Variants in NCAN observed in about 807,000 individuals in gnomAD.
NCAN encodes the protein neurocan core protein.
Under a neutral mutation model 121.8 loss-of-function variants are expected in NCAN, and 47 were observed. The observed-to-expected ratio is 0.39, with a 90% CI of 0.31 to 0.49. The LOEUF (loss-of-function observed/expected upper bound fraction) is 0.49. Ranked by LOEUF, NCAN falls within the 20% of genes least tolerant of loss-of-function variation. NCAN has a pLI of 0.92. For missense variants in NCAN, 1,517 were observed against 1,773.4 expected (o/e 0.86, Z 2.60); for synonymous variants, 633 against 702.0 (o/e 0.90, Z 1.55).
At position 19,225,076 on chromosome 19, in the gene NCAN, T is replaced by C; in HGVS notation, c.878T>C (p.Leu293Pro). 1 of 1,527,536 alleles carries C rather than the reference T, an allele frequency of 6.5e-7. No individual in the cohort carries two copies. The highest frequency in any genetic ancestry group is 1.2e-5 in the South Asian group (1 of 83,552). 94.6% of individuals were successfully genotyped at this position (1,527,536 alleles called of 1,614,324 possible). ...QGAALASVGQLHLAWHEGLDQ... is the reference protein window; with the variant it reads ...QGAALASVGQPHLAWHEGLDQ... ...GCCGCGCTGGCCTCGGTGGGACAGC[T>C]GCACCTGGCCTGGCATGAGGGCCTG... The change falls in exon 6 of 15, where the codon CTG becomes CCG. Residue 293 changes from leucine to proline, a missense_variant. Transcript: ENST00000252575. This position sits in a 1 kb window ranked among gnomAD's most constrained non-coding sequence, Gnocchi z 4.0.
rs369826619 is a variant in NCAN, at chr19:19,226,913, G to T, written c.1500G>T (p.Leu500=). ...AGCAGCAGGAACCGGAGCCGGGGCTGCAAGGGGGGATGGAGGCCAGCGCCC... is the reference window on the plus strand; with the variant it reads ...AGCAGCAGGAACCGGAGCCGGGGCTTCAAGGGGGGATGGAGGCCAGCGCCC... ...YFQQQEPEPG[L]QGGMEASAQP... is the part of the protein sequence containing the mutation. Residue 500 remains leucine, a synonymous_variant, in exon 7 of 15, where the codon CTG becomes CTT. Transcript: ENST00000252575. The T allele has an allele frequency of 1.9e-5, 30 of 1,602,968 alleles. No individual in the cohort carries two copies. The African/African-American group carries it at 2.9e-4, about 16-fold the overall frequency.
Position 19,226,582 on chromosome 19 carries a change from T to C in NCAN, c.1169T>C (p.Leu390Pro), listed in dbSNP as rs756020805. Residue 390 changes from leucine to proline, a missense_variant, in exon 7 of 15, where the codon CTG becomes CCG. Transcript: ENST00000252575. ...LSAEGPPVRE[L>P]EPTLEEEEVV... The stretch of plus-strand genomic sequence containing the variant: ...GCAGAGGGGCCCCCAGTTAGAGAAC[T>C]GGAGCCCACCCTGGAGGAGGAAGAG... The C allele has an allele frequency of 5.6e-6, 9 of 1,613,826 alleles. No individual in the cohort carries two copies. The highest frequency in any genetic ancestry group is 1.7e-4 in the Middle Eastern group (1 of 6,060).
In NCAN at chr19:19,226,529, C is replaced by T. The variant is rs142210617; in HGVS notation, c.1116C>T (p.Ser372=). The T allele has an allele frequency of 2.1e-4, 342 of 1,610,682 alleles. No homozygotes were observed. The highest frequency in any genetic ancestry group is 2.7e-4 in the Non-Finnish European group (316 of 1,177,364). The change falls in exon 7 of 15, where the codon TCC becomes TCT. Residue 372 remains serine (S), a synonymous_variant. Coordinates refer to ENST00000252575, the MANE Select transcript of NCAN (RefSeq NM_004386.3). Reference sequence around the variant, plus strand: ...AACATGGAGACCTAGAGACCCCATCCTCTGGGGATGAGGGGGAGATTCTGT... The same window carrying T: ...AACATGGAGACCTAGAGACCCCATCTTCTGGGGATGAGGGGGAGATTCTGT... The part of the protein sequence containing the change: ...TSQHGDLETP[S]SGDEGEILSA...
At chr19:19,221,816 G>C (rs946673643) in intron 3 of NCAN, among the ~76,000 whole-genome samples, 3 of 151,996 alleles carry the variant, frequency 2.0e-5, no homozygotes, top group Admixed American at 1.3e-4. Context: ...CTTAAGTCTG[G>C]AAGGTTGGAA....
intron 12 of NCAN, among the ~76,000 whole-genome samples, chr19:19,242,984 A>C (rs2060909430): frequency 6.6e-6 from 1 of 152,086 alleles, no homozygotes; most frequent in African/African-American, 2.4e-5. Context: ...AAAATTCAAA[A>C]ATTGAGACAG....
chr19:19,249,857 A>G lies in NCAN; in HGVS notation c.3912A>G (p.Lys1304=), dbSNP rs758184831. Reference sequence around the variant, plus strand: ...ACAAATCCCGCAAGGAGCGCAGAAAACACAAGAAACACCCAACGGAGGACT... The same window carrying G: ...ACAAATCCCGCAAGGAGCGCAGAAAGCACAAGAAACACCCAACGGAGGACT... ...HHHKSRKERR[K]HKKHPTEDWE... is the part of the protein sequence containing the mutation. Residue 1304 remains lysine, a synonymous_variant, in exon 15 of 15, where the codon AAA becomes AAG. Transcript: ENST00000252575. 5.6e-6 allele frequency: 9 copies of G among 1,613,964 alleles called. No homozygotes were observed. The highest frequency in any genetic ancestry group is 2.2e-5 in the South Asian group (2 of 91,080).
chr19:19,238,468 T>C lies in NCAN; in HGVS notation c.3409+57T>C, dbSNP rs539711170. 4.6e-5 allele frequency: 74 copies of C among 1,606,278 alleles called. No homozygotes were observed. The African/African-American group carries it at 6.1e-4, about 13-fold the overall frequency. On this transcript the variant is annotated intron_variant, in intron 11 of 14. Coordinates refer to ENST00000252575, the MANE Select transcript of NCAN (RefSeq NM_004386.3). Reference sequence around the variant, plus strand: ...GGAGGGTGGGCAGGGGTGGCACTTGTAGCCCTTTTGCCAGGGCATCGCATC... The same window carrying C: ...GGAGGGTGGGCAGGGGTGGCACTTGCAGCCCTTTTGCCAGGGCATCGCATC...
chr19:19,246,289 C>T (rs964676888), intron 13 of NCAN, among the ~76,000 whole-genome samples: 16 of 152,050 alleles, frequency 1.1e-4, no homozygotes, highest in African/African-American at 3.1e-4. Flanking sequence ...CCACCCACCT[C>T]GGCCTCCCAA....
chr19:19,225,243 G>A lies in NCAN; in HGVS notation c.1045G>A (p.Glu349Lys), dbSNP rs539904806. The change falls in exon 6 of 15, where the codon GAG becomes AAG. Residue 349 changes from glutamate to lysine, a missense_variant. Glu to Lys is a moderately conservative substitution (Grantham distance 56, BLOSUM62 1). Transcript: ENST00000252575. This position sits in a 1 kb window ranked among gnomAD's most constrained non-coding sequence, Gnocchi z 4.0. ...CCGGACCGGCTTCCCCTCACCCGCC[G>A]AGCGCTTCGACGCCTACTGCTTCCG... Reference protein sequence around the residue: ...ANRTGFPSPAERFDAYCFRAH... With the variant: ...ANRTGFPSPAKRFDAYCFRAH... 3.2e-6 allele frequency: 5 copies of A among 1,559,270 alleles called. No homozygotes were observed. The South Asian group carries it at 5.7e-5, about 18-fold the overall frequency.
intron 10 of NCAN, among the ~76,000 whole-genome samples, chr19:19,236,360 C>A (rs1002405973): frequency 2.6e-5 from 4 of 152,222 alleles, no homozygotes; most frequent in Non-Finnish European, 5.9e-5. Flanking sequence ...CATTCCTTTT[C>A]ATGGCTGAGT....
At chr19:19,224,483 C>G (rs1376514057) in intron 5 of NCAN, 50 bp downstream of exon 5, 2 of 1,587,938 alleles carry the variant, frequency 1.3e-6, no homozygotes, top group African/African-American at 2.7e-5. Flanking sequence ...CTTTGAGTAT[C>G]TATTATTCTC....
chr19:19,233,817 T>A lies in NCAN; in HGVS notation c.3048T>A (p.Pro1016=), dbSNP rs775541054. ...ACTCAGATCCCTGTGAGAACAACCCTTGTCTTCATGGAGGGACATGTAATG... is the reference window on the plus strand; with the variant it reads ...ACTCAGATCCCTGTGAGAACAACCCATGTCTTCATGGAGGGACATGTAATG... The part of the protein sequence containing the change: ...EVHSDPCENN[P]CLHGGTCNAN... The change falls in exon 9 of 15, where the codon CCT becomes CCA. Residue 1016 remains proline (P), a synonymous_variant. Transcript: ENST00000252575. The A allele has an allele frequency of 1.2e-6, 2 of 1,613,716 alleles. No individual in the cohort carries two copies. The highest frequency in any genetic ancestry group is 4.5e-5 in the East Asian group (2 of 44,888).
At chr19:19,244,557 C>A (rs539627932) in intron 12 of NCAN, among the ~76,000 whole-genome samples, 1 of 151,902 alleles carries the variant, frequency 6.6e-6, no homozygotes, top group Non-Finnish European at 1.5e-5. Context: ...GATCTGACCC[C>A]CTTGGCCTCT....
At chr19:19,239,451 C>T in intron 11 of NCAN, among the ~76,000 whole-genome samples, 1 of 131,860 alleles carries the variant, frequency 7.6e-6, no homozygotes, top group East Asian at 2.4e-4. Flanking sequence ...ATCCTCCCTC[C>T]CCCTCCTCTC....
rs564197168 is a variant in NCAN at position 19,226,209 on chromosome 19, C to T, written c.1073-277C>T. 5.8e-4 allele frequency among the ~76,000 whole-genome samples: 89 copies of T among 152,258 alleles called. 2 individuals are homozygous for T. In the South Asian group the frequency reaches 0.018, roughly 30 times the overall value. ...CCTCCCAAAGTGCTGGGATTACGGACGTGAGCCACCGCGCCTGGCCCAAAT... is the reference window on the plus strand; with the variant it reads ...CCTCCCAAAGTGCTGGGATTACGGATGTGAGCCACCGCGCCTGGCCCAAAT... On this transcript the variant is annotated intron_variant, in intron 6 of 14. Transcript: ENST00000252575.
intron 12 of NCAN, 54 bp from the exon 13 acceptor site, chr19:19,245,259 A>T: frequency 1.9e-6 from 3 of 1,598,390 alleles, no homozygotes; most frequent in Admixed American, 3.4e-5. Flanking sequence ...AATTGCCAGA[A>T]CCTGGGCTGG....
intron 3 of NCAN, among the ~76,000 whole-genome samples, chr19:19,220,412 T>G (rs1820266685): frequency 6.6e-6 from 1 of 150,568 alleles, no homozygotes; most frequent in African/African-American, 2.4e-5. Context: ...TATTAAATAT[T>G]AAGCAAGAAC....
At chr19:19,239,995 C>T (rs2060897494) in intron 11 of NCAN, among the ~76,000 whole-genome samples, 1 of 138,608 alleles carries the variant, frequency 7.2e-6, no homozygotes, top group Non-Finnish European at 1.6e-5. Flanking sequence ...CATCCTCCCT[C>T]CCACTCCTCC....
chr19:19,216,885 G>T, intron 1 of NCAN, 62 bp from the exon 2 acceptor site: 2 of 1,020,440 alleles, frequency 2.0e-6, no homozygotes, highest in South Asian at 3.9e-5. Flanking sequence ...GTCCTGCAAT[G>T]CTGAATATCT....
Sources: gnomAD v4.1 joint callset for allele counts (sites outside exome capture counted in the v4.1 genomes callset) on GRCh38, gnomAD v4.1.1 for gene constraint, Gnocchi (gnomAD v3.1) non-coding constraint, MANE v1.5 for transcripts, NCBI Gene and HGNC (gene_info 2026-07-23, HGNC 2026-07-21) for gene names.